The following POTEM variants were observed in gnomAD, a reference collection of about 807,000 sequenced individuals.
POTEM encodes putative POTE ankyrin domain family member M.
For synonymous variants in POTEM, 8 were observed against 113.2 expected (o/e 0.07, Z 5.90); for missense variants, 24 against 343.0 (o/e 0.07, Z 7.35).
At chr14:18,987,081 TA>T (rs1891202259) in intron 7 of POTEM, 87 bp from the exon 8 acceptor site, 1 of 133,414 alleles carries the variant, frequency 7.5e-6, no homozygotes, top group East Asian at 2.1e-4. Context: ...TACTTAAGAA[TA>T]AAATTATTTT....
At chr14:18,969,334 C>A (rs376817633) in intron 1 of POTEM, among the ~76,000 whole-genome samples, 3 of 99,492 alleles carry the variant, frequency 3.0e-5, no homozygotes, top group African/African-American at 4.4e-5. Context: ...TATATATATA[C>A]GTATATACAT....
At position 18,995,111 on chromosome 14, in the gene POTEM, C is replaced by A. The variant is rs1287023219; in HGVS notation, c.1410-1930C>A. ...GTTAGATTCATAATTTTCAAATTTT[C>A]TTCCCATTGTGTAGGTTGTTGGTTT... On this transcript the variant is annotated intron_variant, in intron 9 of 10. Coordinates refer to ENST00000547889, the MANE Select transcript of POTEM (RefSeq NM_001145442.1). Among the ~76,000 whole-genome samples, 4 of 70,540 alleles carry A rather than the reference C, an allele frequency of 5.7e-5. 2 individuals are homozygous for A. Among genetic ancestry groups the A allele is most frequent in the Non-Finnish European group, 1.1e-4 (4 of 35,084 alleles). 46.3% of individuals were successfully genotyped at this position (70,540 alleles called of 152,430 possible).
chr14:18,986,717 CTT>C (rs1891191735), intron 7 of POTEM, among the ~76,000 whole-genome samples: 1 of 138,848 alleles, frequency 7.2e-6, no homozygotes, highest in African/African-American at 2.8e-5. Flanking sequence ...AGTTAGGAAT[CTT>C]TTGAAAAAGC....
rs1891340356 is a variant in POTEM at position 18,999,330 on chromosome 14, T to A, written c.*665T>A. Among the ~76,000 whole-genome samples, 2 of 131,622 alleles carry A rather than the reference T, an allele frequency of 1.5e-5. No homozygotes were observed. Among genetic ancestry groups the A allele is most frequent in the African/African-American group, 5.6e-5 (2 of 35,868 alleles). The allele number at this position is 131,622 out of a possible 152,430, so 86.3% of individuals were successfully genotyped here. A position where few individuals can be genotyped will look rare whatever the true frequency, so the allele number is the denominator to read the frequency against. On this transcript the variant is annotated 3_prime_UTR_variant, in exon 11 of 11. Coordinates refer to ENST00000547889, the MANE Select transcript of POTEM (RefSeq NM_001145442.1). Reference sequence around the variant, plus strand: ...CCGTACTACTGGCATTGTGATGGACTCTGGTGACGGGGTCACCCACACTGT... The same window carrying A: ...CCGTACTACTGGCATTGTGATGGACACTGGTGACGGGGTCACCCACACTGT...
chr14:18,987,835 CTG>C (rs1413963600), intron 8 of POTEM, among the ~76,000 whole-genome samples: 1 of 152,290 alleles, frequency 6.6e-6, no homozygotes, highest in Non-Finnish European at 1.5e-5. Context: ...TCTAAAATGA[CTG>C]TTTAATGTAA....
At position 18,969,322 on chromosome 14, in the gene POTEM, T is replaced by C. The variant is rs1245558677; in HGVS notation, c.521+1316T>C. Among the ~76,000 whole-genome samples the C allele has an allele frequency of 4.5e-4, 40 of 88,922 alleles. 1 individual carries two copies. The East Asian group carries it at 5.4e-3, about 12-fold the overall frequency. 58.3% of individuals were successfully genotyped at this position (88,922 alleles called of 152,430 possible). A position where few individuals can be genotyped will look rare whatever the true frequency, so the allele number is the denominator to read the frequency against. The stretch of plus-strand genomic sequence containing the variant: ...ATGTATATACGTATATATATGTATA[T>C]ATATATATATACGTATATACATATA... On this transcript the variant is annotated intron_variant, in intron 1 of 10. Transcript: ENST00000547889.
At chr14:18,969,104 T>A (rs1165460645) in intron 1 of POTEM, among the ~76,000 whole-genome samples, 2 of 145,478 alleles carry the variant, frequency 1.4e-5, no homozygotes, top group East Asian at 3.9e-4. Flanking sequence ...TAGCGCTTGA[T>A]AATGGTGACG....
chr14:18,968,628 G>T (rs1355459760), intron 1 of POTEM, among the ~76,000 whole-genome samples: 12 of 140,602 alleles, frequency 8.5e-5, no homozygotes, highest in African/African-American at 2.4e-4. Context: ...AGACCATCCT[G>T]GCTAACACGG....
rs1348702027 is a variant in POTEM, at chr14:18,967,506, A to G, written c.21A>G (p.Ser7=). The G allele has an allele frequency of 6.7e-7, 1 of 1,502,202 alleles. No individual in the cohort carries two copies. The highest frequency in any genetic ancestry group is 1.8e-5 in the Admixed American group (1 of 55,254). 93.1% of individuals were successfully genotyped at this position (1,502,202 alleles called of 1,614,324 possible). Reference sequence around the variant, plus strand: ...AGCAGATGGTGGCTGAGGCTGGTTCAATGCCGGCTGCCTCCTCTGTGAAGA... The same window carrying G: ...AGCAGATGGTGGCTGAGGCTGGTTCGATGCCGGCTGCCTCCTCTGTGAAGA... The part of the protein sequence containing the change: MVAEAG[S]MPAASSVKKP... The change falls in exon 1 of 11, where the codon TCA becomes TCG. Residue 7 remains serine, a synonymous_variant. Coordinates refer to ENST00000547889, the MANE Select transcript of POTEM (RefSeq NM_001145442.1).
rs1891238071 is a variant in POTEM at position 18,991,038 on chromosome 14, C to T, written c.1409+2617C>T. ...AGCTGGGATTACAGGTGTGTGACAC[C>T]ATACCTGGCTAATTTTTGTATTTTT... is the stretch of plus-strand genomic sequence containing the variant. On this transcript the variant is annotated intron_variant, in intron 9 of 10. Coordinates refer to ENST00000547889, the MANE Select transcript of POTEM (RefSeq NM_001145442.1). Among the ~76,000 whole-genome samples the T allele has an allele frequency of 3.1e-5, 3 of 97,358 alleles. No homozygotes were observed. The East Asian group carries it at 9.3e-4, about 30-fold the overall frequency. 63.9% of individuals were successfully genotyped at this position (97,358 alleles called of 152,430 possible).
intron 1 of POTEM, among the ~76,000 whole-genome samples, chr14:18,968,839 G>T: frequency 8.7e-6 from 1 of 115,112 alleles, no homozygotes; most frequent in Middle Eastern, 5.0e-3. Flanking sequence ...AAAAAAAAAA[G>T]TGAGCTTTTT....
chr14:18,993,102 G>A, intron 9 of POTEM, among the ~76,000 whole-genome samples: 1 of 68,582 alleles, frequency 1.5e-5, no homozygotes, highest in African/African-American at 7.3e-5. Flanking sequence ...TCACCCTGTT[G>A]GTCAGGCTGG....
chr14:18,982,131 C>T (rs1180120177), intron 6 of POTEM, among the ~76,000 whole-genome samples: 1 of 151,096 alleles, frequency 6.6e-6, no homozygotes, highest in Non-Finnish European at 1.5e-5. Context: ...ACATGATTAG[C>T]TTAGAATAAA....
In POTEM at chr14:18,991,319, TAATA is replaced by T. The variant is rs1190605315; in HGVS notation, c.1409+2903_1409+2906del. Among the ~76,000 whole-genome samples, 5 of 58,494 alleles carry T rather than the reference TAATA, an allele frequency of 8.5e-5. No individual in the cohort carries two copies. The East Asian group carries it at 2.2e-3, about 25-fold the overall frequency. 38.4% of individuals were successfully genotyped at this position (58,494 alleles called of 152,430 possible). A position where few individuals can be genotyped will look rare whatever the true frequency, so the allele number is the denominator to read the frequency against. ...GCCTAGCCTATCAGACGTAGCTACCTAATAAATAGTTATTTGATTAGCTGTTGAG... is the reference window on the plus strand; with the variant it reads ...GCCTAGCCTATCAGACGTAGCTACCTAATAGTTATTTGATTAGCTGTTGAG... On this transcript the variant is annotated intron_variant, in intron 9 of 10. Transcript: ENST00000547889.
intron 1 of POTEM, among the ~76,000 whole-genome samples, chr14:18,969,261 A>G (rs1458137063): frequency 7.5e-6 from 1 of 133,300 alleles, no homozygotes; most frequent in Non-Finnish European, 1.6e-5. Flanking sequence ...ACAAGTGCCT[A>G]TTTACATATG....
At position 18,967,450 on chromosome 14, in the gene POTEM, T is replaced by A; in HGVS notation, c.-36T>A. On this transcript the variant is annotated 5_prime_UTR_variant, in exon 1 of 11. Coordinates refer to ENST00000547889, the MANE Select transcript of POTEM (RefSeq NM_001145442.1). The stretch of plus-strand genomic sequence containing the variant: ...AAACTGGTTGGTAGACGCGATCTGC[T>A]GGCTACTACCGGCCTCCCCTGGCTG... 9.5e-7 allele frequency: 1 copy of A among 1,055,486 alleles called. No homozygotes were observed. The highest frequency in any genetic ancestry group is 2.1e-5 in the Admixed American group (1 of 47,954). 65.4% of individuals were successfully genotyped at this position (1,055,486 alleles called of 1,614,324 possible). A position where few individuals can be genotyped will look rare whatever the true frequency, so the allele number is the denominator to read the frequency against.
chr14:18,969,293 A>G (rs1217845733), intron 1 of POTEM, among the ~76,000 whole-genome samples: 1 of 117,062 alleles, frequency 8.5e-6, no homozygotes, highest in African/African-American at 3.5e-5. Context: ...ACACATGTAT[A>G]TATATGTATA....
chr14:18,978,274 C>CAG (rs1186054902), intron 5 of POTEM: 1 of 136,190 alleles, frequency 7.3e-6, no homozygotes, highest in Non-Finnish European at 1.5e-5. Context: ...AAGCAGCAGC[C>CAG]CCCTGCTCTG....
At chr14:18,968,748 G>C (rs368161066) in intron 1 of POTEM, among the ~76,000 whole-genome samples, 3 of 148,192 alleles carry the variant, frequency 2.0e-5, no homozygotes, top group Admixed American at 2.0e-4. Flanking sequence ...GCGTGAACCC[G>C]GGAGGCGGAG....
Sources: gnomAD v4.1 joint callset for allele counts (sites outside exome capture counted in the v4.1 genomes callset) on GRCh38, gnomAD v4.1.1 for gene constraint, MANE v1.5 for transcripts, NCBI Gene and HGNC (gene_info 2026-07-23, HGNC 2026-07-21) for gene names.